DOCK11: variants seen among roughly 807,000 people sequenced by gnomAD.
DOCK11 encodes the protein dedicator of cytokinesis 11, also known as dedicator of cytokinesis protein 11.
DOCK11 carries 70 observed loss-of-function variants against 169.1 expected under a neutral mutation model. The observed-to-expected ratio is 0.41, with a 90% confidence interval of 0.34 to 0.51. The LOEUF (loss-of-function observed/expected upper bound fraction) is 0.51. DOCK11 is among the 20% of genes least tolerant of loss of function. The pLI, the probability that DOCK11 is intolerant of heterozygous loss-of-function variation, is 0.10. For missense variants in DOCK11, 1,166 were observed against 1,538.8 expected (o/e 0.76, Z 4.05); for synonymous variants, 529 against 541.3 (o/e 0.98, Z 0.32).
intron 18 of DOCK11, among the ~76,000 whole-genome samples, chrX:118,590,005 C>T (rs1325668069): frequency 1.8e-5 from 2 of 112,329 alleles, no homozygotes; most frequent in Non-Finnish European, 3.8e-5. Context: ...AATTCAGAAG[C>T]ATCCATACAG....
chrX:118,665,359 T>C (rs186766719), intron 45 of DOCK11, among the ~76,000 whole-genome samples: 28 of 112,196 alleles, frequency 2.5e-4, no homozygotes, highest in African/African-American at 9.1e-4. Flanking sequence ...TTCTGGATAT[T>C]AGTTAGATGA....
chrX:118,503,079 T>TTC (rs2057586789), intron 1 of DOCK11, among the ~76,000 whole-genome samples: 1 of 105,935 alleles, frequency 9.4e-6, no homozygotes, highest in Non-Finnish European at 2.0e-5. Flanking sequence ...AAAGGCTTTT[T>TTC]TTTTTTTTTT....
chrX:118,654,020 C>T (rs745533683), intron 42 of DOCK11, among the ~76,000 whole-genome samples: 2 of 112,114 alleles, frequency 1.8e-5, no homozygotes, highest in African/African-American at 6.5e-5. Context: ...TGGTTTTCAC[C>T]TTAGTGTATG....
chrX:118,525,503 A>G (rs2011353776), intron 1 of DOCK11, among the ~76,000 whole-genome samples: 2 of 111,308 alleles, frequency 1.8e-5, no homozygotes, highest in African/African-American at 6.5e-5. Context: ...AATAGAATAA[A>G]GGTTACCAGG....
In DOCK11 at chrX:118,568,092, C is replaced by G; in HGVS notation, c.965C>G (p.Thr322Ser). The change falls in exon 10 of 53, where the codon ACT (threonine) becomes AGT (serine). Residue 322 changes from threonine to serine, a missense_variant. Physicochemically the swap from Thr to Ser is moderately conservative, Grantham distance 58. Coordinates refer to ENST00000276202, the MANE Select transcript of DOCK11 (RefSeq NM_144658.4). Reference protein sequence around the residue: ...HPELMKYGRETEQLNKLSRGD... With the variant: ...HPELMKYGRESEQLNKLSRGD... ...TTAAAATTTTAGTATGGAAGAGAAA[C>G]TGAACAACTAAACAAACTCAGTAGA... The G allele has an allele frequency of 2.6e-6, 3 of 1,147,847 alleles. No individual in the cohort carries two copies. The highest frequency in any genetic ancestry group is 3.5e-6 in the Non-Finnish European group (3 of 859,756). The allele number at this position is 1,147,847 out of a possible 1,213,427, so 94.6% of individuals were successfully genotyped here.
rs1774670888 is a variant in DOCK11, at chrX:118,628,241, G to A, written c.3743G>A (p.Gly1248Glu). 8.3e-7 allele frequency: 1 copy of A among 1,200,831 alleles called. No individual in the cohort carries two copies. Among genetic ancestry groups the A allele is most frequent in the Non-Finnish European group, 1.1e-6 (1 of 887,553 alleles). Residue 1248 changes from glycine to glutamate, a missense_variant, in exon 34 of 53, where the codon GGA becomes GAA. Gly to Glu is a moderately conservative substitution (Grantham distance 98). Coordinates refer to ENST00000276202, the MANE Select transcript of DOCK11 (RefSeq NM_144658.4). ...RGSLIPEGATGFPDQGNTGEN... is the reference protein window; with the variant it reads ...RGSLIPEGATEFPDQGNTGEN... ...TCCCTCATCCCAGAAGGAGCAACAG[G>A]ATTTCCAGATCAGGGCAACACTGGT...
chrX:118,653,611 A>G (rs1263979717), intron 42 of DOCK11, among the ~76,000 whole-genome samples: 1 of 110,327 alleles, frequency 9.1e-6, no homozygotes, highest in Non-Finnish European at 1.9e-5. Flanking sequence ...ATGGGATTTC[A>G]CCATGTTGGC....
At chrX:118,580,321 T>C in intron 14 of DOCK11, 142 bp downstream of exon 14, 1 of 483,792 alleles carries the variant, frequency 2.1e-6, no homozygotes, top group South Asian at 5.0e-5. Flanking sequence ...TTATTATTTT[T>C]GTTGTTGTTT....
At chrX:118,551,346 T>G (rs764603434) in intron 6 of DOCK11, among the ~76,000 whole-genome samples, 4 of 112,281 alleles carry the variant, frequency 3.6e-5, no homozygotes, top group Non-Finnish European at 7.5e-5. Flanking sequence ...GGCATCTTGG[T>G]GCCTTTTAGA....
At chrX:118,636,440 A>G (rs1390542166) in intron 36 of DOCK11, 28 bp downstream of exon 36, 3 of 839,123 alleles carry the variant, frequency 3.6e-6, no homozygotes, top group Non-Finnish European at 4.9e-6. Context: ...ATCTTCATAT[A>G]CTTTCCCCTT....
chrX:118,503,074 C>CTTTTTTTT lies in DOCK11; in HGVS notation c.102+7010_102+7017dup, dbSNP rs767017269. Among the ~76,000 whole-genome samples, 3 of 90,787 alleles carry CTTTTTTTT rather than the reference C, an allele frequency of 3.3e-5. 1 individual carries two copies. Among genetic ancestry groups the CTTTTTTTT allele is most frequent in the Non-Finnish European group, 6.4e-5 (3 of 47,092 alleles). 78.8% of individuals were successfully genotyped at this position (90,787 alleles called of 115,157 possible). A position where few individuals can be genotyped will look rare whatever the true frequency, so the allele number is the denominator to read the frequency against. ...TAGTTCTGGAGAGAGATAACAAAGG[C>CTTTTTTTT]TTTTTTTTTTTTTTTTGAAATGGAG... On this transcript the variant is annotated intron_variant, in intron 1 of 52. Transcript: ENST00000276202.
intron 6 of DOCK11, among the ~76,000 whole-genome samples, chrX:118,550,241 C>A (rs1330944031): frequency 9.0e-6 from 1 of 111,213 alleles, no homozygotes; most frequent in East Asian, 2.8e-4. Flanking sequence ...GAGTTTAAGA[C>A]CAGCCTAGGC....
At chrX:118,555,785 C>G (rs2012665565) in intron 6 of DOCK11, among the ~76,000 whole-genome samples, 2 of 110,418 alleles carry the variant, frequency 1.8e-5, no homozygotes, top group Non-Finnish European at 1.9e-5. Context: ...CAGTATGTCT[C>G]TGTCTCTCCT....
At chrX:118,661,304 G>A (rs1484741891) in intron 44 of DOCK11, among the ~76,000 whole-genome samples, 1 of 110,980 alleles carries the variant, frequency 9.0e-6, no homozygotes, top group Non-Finnish European at 1.9e-5. Context: ...ACTTCTGTGT[G>A]TGGTTCCTAC....
intron 1 of DOCK11, among the ~76,000 whole-genome samples, chrX:118,517,160 A>C (rs929177206): frequency 1.8e-5 from 2 of 110,947 alleles, no homozygotes; most frequent in African/African-American, 6.6e-5. Flanking sequence ...CTGAGGTGGG[A>C]GGATCATTTG....
chrX:118,588,519 A>G lies in DOCK11; in HGVS notation c.2046+41A>G, dbSNP rs1414797373. ...TGATAGGCATATGTTTTTAGTAGAG[A>G]TGGAGATTTTGGTACTCAGTAGTCT... On this transcript the variant is annotated intron_variant, in intron 18 of 52. Transcript: ENST00000276202. 5.6e-6 allele frequency: 6 copies of G among 1,071,360 alleles called. No individual in the cohort carries two copies. The Admixed American group carries it at 1.9e-4, about 33-fold the overall frequency. 88.3% of individuals were successfully genotyped at this position (1,071,360 alleles called of 1,213,427 possible).
intron 34 of DOCK11, among the ~76,000 whole-genome samples, chrX:118,629,269 G>A (rs775469592): frequency 2.7e-5 from 3 of 111,295 alleles, no homozygotes; most frequent in African/African-American, 9.8e-5. Context: ...TGTGACAACA[G>A]GTACTGTCAT....
intron 35 of DOCK11, among the ~76,000 whole-genome samples, chrX:118,635,162 C>G (rs1032922099): frequency 8.9e-6 from 1 of 112,134 alleles, no homozygotes; most frequent in Non-Finnish European, 1.9e-5. Context: ...AGTCGACCTC[C>G]CCTGTTCCCT....
Position 118,676,741 on chromosome X carries a change from A to T in DOCK11, c.5460+4A>T. ...AATAATTCAGGATTCAGACAAGGTA[A>T]CACATACCCTACATGTTGAAATCAT... On this transcript the variant is annotated splice_donor_region_variant and intron_variant, in intron 48 of 52. Transcript: ENST00000276202. 1 of 1,189,402 alleles carries T rather than the reference A, an allele frequency of 8.4e-7. No individual in the cohort carries two copies. The highest frequency in any genetic ancestry group is 1.1e-6 in the Non-Finnish European group (1 of 881,847).
Sources: allele counts gnomAD v4.1 joint callset (sites outside exome capture counted in the v4.1 genomes callset), GRCh38; gene constraint gnomAD v4.1.1; transcripts MANE v1.5; gene names NCBI Gene and HGNC (gene_info 2026-07-23, HGNC 2026-07-21).